The following MMP27 variants were observed in gnomAD, a reference collection of about 807,000 sequenced individuals.
MMP27 encodes matrix metalloproteinase-27.
MMP27 carries 51 observed loss-of-function variants against 48.1 expected under a neutral mutation model. The ratio of observed to expected loss-of-function variants is 1.06; its 90% CI spans 0.85 to 1.34. MMP27 has a LOEUF of 1.34. Among genes scored for constraint, MMP27 ranks in the 40% most tolerant of loss-of-function variants. MMP27 has a pLI of 0.00. For missense variants in MMP27, 698 were observed against 619.3 expected, an observed-to-expected ratio of 1.13 and a Z score of -1.35; for synonymous variants, 229 against 208.9, an observed-to-expected ratio of 1.10 and a Z score of -0.83.
At chr11:102,703,528 CTT>C (rs35092309) in intron 2 of MMP27, among the ~76,000 whole-genome samples, 3 of 148,538 alleles carry the variant, frequency 2.0e-5, no homozygotes, top group Non-Finnish European at 3.0e-5. Context: ...ATATTAAGAA[CTT>C]TTTTTTTTTT....
In MMP27 at chr11:102,704,632, G is replaced by T. The variant is rs771438840; in HGVS notation, c.246C>A (p.Thr82=). Residue 82 remains threonine, a synonymous_variant, in exon 2 of 10, where the codon ACC becomes ACA. Coordinates refer to ENST00000260229, the MANE Select transcript of MMP27 (RefSeq NM_022122.3). Reference sequence around the variant, plus strand: ...ACCTGGGTGTCTTCATGATCTCAAGGGTGTTTGAGTCCAGTTTTCCAGTCA... The same window carrying T: ...ACCTGGGTGTCTTCATGATCTCAAGTGTGTTTGAGTCCAGTTTTCCAGTCA... ...LTVTGKLDSN[T]LEIMKTPRCG... is the part of the protein sequence containing the mutation. 6.2e-6 allele frequency: 10 copies of T among 1,613,896 alleles called. No individual in the cohort carries two copies. In the African/African-American group the frequency reaches 1.2e-4, roughly 19 times the overall value.
At chr11:102,692,107 G>T (rs1176935980) in intron 9 of MMP27, 97 bp from the exon 10 acceptor site, 1 of 1,172,070 alleles carries the variant, frequency 8.5e-7, no homozygotes, top group Non-Finnish European at 1.1e-6. Context: ...ACATTATGGA[G>T]AACGAAGAAA....
At chr11:102,701,246 C>G (rs928490908) in intron 4 of MMP27, among the ~76,000 whole-genome samples, 3 of 152,092 alleles carry the variant, frequency 2.0e-5, no homozygotes, top group Non-Finnish European at 4.4e-5. Flanking sequence ...CTGTATTTAT[C>G]TCTTGCCTTG....
At position 102,704,535 on chromosome 11, in the gene MMP27, A is replaced by G; in HGVS notation, c.341+2T>C. ...GCGGAAATAAGCTGGCAGAAGCATT[A>G]CCTGTAGGTGAGGTTGTATTTTCTC... On this transcript the variant is annotated splice_donor_variant, in intron 2 of 9. Transcript: ENST00000260229. LOFTEE classifies it high-confidence loss of function. 1 of 1,600,962 alleles carries G rather than the reference A, an allele frequency of 6.2e-7. No homozygotes were observed. Among genetic ancestry groups the G allele is most frequent in the Admixed American group, 1.7e-5 (1 of 59,630 alleles).
chr11:102,694,182 C>A, intron 7 of MMP27, 117 bp from the exon 8 acceptor site: 1 of 619,788 alleles, frequency 1.6e-6, no homozygotes, highest in Non-Finnish European at 2.6e-6. Context: ...ATTTAATAAT[C>A]TTATGTCCAC....
chr11:102,692,205 T>C (rs1462388351), intron 9 of MMP27, among the ~76,000 whole-genome samples, 195 bp from the exon 10 acceptor site: 1 of 152,174 alleles, frequency 6.6e-6, no homozygotes, highest in Non-Finnish European at 1.5e-5. Context: ...GAAGCCAGTG[T>C]TATAAAGGGT....
Position 102,695,084 on chromosome 11 carries a change from T to C in MMP27, c.916A>G (p.Ile306Val), listed in dbSNP as rs1164462518. ...MFFKGRHLWRIYYDITDVEFE... is the reference protein window; with the variant it reads ...MFFKGRHLWRVYYDITDVEFE... ...TCAACATCCGTGATATCATAATAGA[T>C]CCTCCATAGGTGCCTGTGTTAAACA... is the stretch of plus-strand genomic sequence containing the variant. Residue 306 changes from isoleucine to valine, a missense_variant, in exon 7 of 10, where the codon ATC becomes GTC. Coordinates refer to ENST00000260229, the MANE Select transcript of MMP27 (RefSeq NM_022122.3). The C allele has an allele frequency of 1.2e-6, 2 of 1,613,682 alleles. No individual in the cohort carries two copies. The highest frequency in any genetic ancestry group is 3.3e-5 in the Admixed American group (2 of 59,970).
Position 102,691,800 on chromosome 11 carries a change from A to G in MMP27, c.1508T>C (p.Val503Ala). The change falls in exon 10 of 10, where the codon GTT (valine) becomes GCT (alanine). Residue 503 changes from valine to alanine, a missense_variant. Coordinates refer to ENST00000260229, the MANE Select transcript of MMP27 (RefSeq NM_022122.3). ...AATAGAAGTGTTTTTCAGCAAATGA[A>G]CAATACCAAAAATAAACAAGCTTAA... ...KSLSLFIFGI[V>A]HLLKNTSIYQ is the part of the protein sequence containing the mutation. 2 of 1,606,472 alleles carry G rather than the reference A, an allele frequency of 1.2e-6. No homozygotes were observed. The highest frequency in any genetic ancestry group is 1.7e-6 in the Non-Finnish European group (2 of 1,175,060).
chr11:102,703,778 C>G (rs1332360333), intron 2 of MMP27, among the ~76,000 whole-genome samples: 1 of 152,210 alleles, frequency 6.6e-6, no homozygotes, highest in Non-Finnish European at 1.5e-5. Flanking sequence ...TCTGCCTCAG[C>G]CTCCCAAAGT....
At chr11:102,699,661 C>T (rs571374638) in intron 4 of MMP27, among the ~76,000 whole-genome samples, 35 of 152,306 alleles carry the variant, frequency 2.3e-4, no homozygotes, top group African/African-American at 7.9e-4. Context: ...GCCTTTGTTG[C>T]TGCCCCTTGC....
At position 102,693,979 on chromosome 11, in the gene MMP27, T is replaced by C; in HGVS notation, c.1120A>G (p.Lys374Glu). ...TCACAGACGGCTGCATCTATTTTCT[T>C]CACACGTCCTGGAAAACCTAATGTA... ...IHTLGFPGRVKKIDAAVCDKT... is the reference protein window; with the variant it reads ...IHTLGFPGRVEKIDAAVCDKT... The change falls in exon 8 of 10, where the codon AAG becomes GAG. Residue 374 changes from lysine (K) to glutamate (E), a missense_variant. By Grantham distance (56) the Lys-to-Glu change is moderately conservative. Transcript: ENST00000260229. 6.2e-7 allele frequency: 1 copy of C among 1,611,754 alleles called. No homozygotes were observed. Among genetic ancestry groups the C allele is most frequent in the Non-Finnish European group, 8.5e-7 (1 of 1,178,826 alleles).
At chr11:102,698,574 T>C (rs1165444398) in intron 4 of MMP27, among the ~76,000 whole-genome samples, 3 of 152,202 alleles carry the variant, frequency 2.0e-5, no homozygotes, top group African/African-American at 4.8e-5. Flanking sequence ...TGTATTGCTA[T>C]AGGATAAAGT....
At chr11:102,694,299 G>A (rs1417776362) in intron 7 of MMP27, among the ~76,000 whole-genome samples, 1 of 152,110 alleles carries the variant, frequency 6.6e-6, no homozygotes, top group African/African-American at 2.4e-5. Context: ...TGGTTTCATT[G>A]CATTGATTGC....
At chr11:102,702,102 A>G (rs940260072) in intron 4 of MMP27, among the ~76,000 whole-genome samples, 11 of 152,274 alleles carry the variant, frequency 7.2e-5, no homozygotes, top group Non-Finnish European at 1.2e-4. Flanking sequence ...TTGTCAGAAC[A>G]GTAGTAAAAC....
At chr11:102,695,292 C>T (rs1460398144) in intron 6 of MMP27, among the ~76,000 whole-genome samples, 195 bp from the exon 7 acceptor site, 2 of 152,128 alleles carry the variant, frequency 1.3e-5, no homozygotes, top group South Asian at 2.1e-4. Context: ...CCAGGACATG[C>T]CTTTGTGCCC....
chr11:102,693,321 G>A (rs542124178), intron 8 of MMP27, among the ~76,000 whole-genome samples: 85 of 152,168 alleles, frequency 5.6e-4, no homozygotes, highest in African/African-American at 2.0e-3. Context: ...TGAGCTTGGA[G>A]CTTTCAAAAT....
At position 102,704,418 on chromosome 11, in the gene MMP27, C is replaced by A. The variant is rs113965322; in HGVS notation, c.341+119G>T. 6.4e-6 allele frequency: 5 copies of A among 782,772 alleles called. No individual in the cohort carries two copies. In the South Asian group the frequency reaches 8.3e-5, roughly 13 times the overall value. The allele number at this position is 782,772 out of a possible 1,614,324, so 48.5% of individuals were successfully genotyped here. On this transcript the variant is annotated intron_variant, in intron 2 of 9. Coordinates refer to ENST00000260229, the MANE Select transcript of MMP27 (RefSeq NM_022122.3). The stretch of plus-strand genomic sequence containing the variant: ...GTTGGGAAGATACCGTAAATGGAGC[C>A]TAAGATGTGCTGTGCACACAGGAAG...
chr11:102,694,083 ATTAT>A lies in MMP27; in HGVS notation c.1034-22_1034-19del, dbSNP rs770656364. The stretch of plus-strand genomic sequence containing the variant: ...GTTTTCATCTAGGAAGAGAGGAGTG[ATTAT>A]TTATTTTCTAGAGGGAGAAATAGGT... On this transcript the variant is annotated intron_variant, in intron 7 of 9. Coordinates refer to ENST00000260229, the MANE Select transcript of MMP27 (RefSeq NM_022122.3). 4 of 1,517,274 alleles carry A rather than the reference ATTAT, an allele frequency of 2.6e-6. No individual in the cohort carries two copies. The highest frequency in any genetic ancestry group is 2.7e-5 in the South Asian group (2 of 74,596). The allele number at this position is 1,517,274 out of a possible 1,614,324, so 94.0% of individuals were successfully genotyped here. A position where few individuals can be genotyped will look rare whatever the true frequency, so the allele number is the denominator to read the frequency against.
Position 102,705,637 on chromosome 11 carries a change from A to C in MMP27, c.78T>G (p.Asn26Lys). Residue 26 changes from asparagine (N) to lysine (K), a missense_variant, in exon 1 of 10, where the codon AAT becomes AAG. By Grantham distance (94) the Asn-to-Lys change is moderately conservative. Transcript: ENST00000260229. ...SAFPLVRMTENEENMQLAQAY... is the reference protein window; with the variant it reads ...SAFPLVRMTEKEENMQLAQAY... ...CCTGAGCCAGTTGCATATTTTCTTCATTTTCCGTCATCCGGACTAAGGGAA... is the reference window on the plus strand; with the variant it reads ...CCTGAGCCAGTTGCATATTTTCTTCCTTTTCCGTCATCCGGACTAAGGGAA... 1 of 1,591,332 alleles carries C rather than the reference A, an allele frequency of 6.3e-7. No individual in the cohort carries two copies. The highest frequency in any genetic ancestry group is 1.2e-5 in the South Asian group (1 of 86,686).
Sources: allele counts gnomAD v4.1 joint callset (sites outside exome capture counted in the v4.1 genomes callset), GRCh38; gene constraint gnomAD v4.1.1; transcripts MANE v1.5; gene names NCBI Gene and HGNC (gene_info 2026-07-23, HGNC 2026-07-21).